The following FAM168A variants were observed in gnomAD, a reference collection of about 807,000 sequenced individuals.
FAM168A encodes protein FAM168A.
Under a neutral mutation model 28.5 loss-of-function variants are expected in FAM168A, and 3 were observed. The ratio of observed to expected loss-of-function variants is 0.11; its 90% CI spans 0.05 to 0.27. FAM168A has a LOEUF of 0.27. Ranked by LOEUF, FAM168A falls within the 10% of genes least tolerant of loss-of-function variation. The pLI is 1.00. For missense variants in FAM168A, 222 were observed against 311.5 expected, an observed-to-expected ratio of 0.71 and a Z score of 2.16; for synonymous variants, 122 against 124.2, an observed-to-expected ratio of 0.98 and a Z score of 0.12.
chr11:73,538,343 A>T (rs1282119262), intron 1 of FAM168A, among the ~76,000 whole-genome samples: 1 of 148,654 alleles, frequency 6.7e-6, no homozygotes, highest in South Asian at 2.1e-4. Flanking sequence ...ACAAAAAACA[A>T]AAAAAAAAAA....
chr11:73,571,016 AT>A (rs1306708334), intron 1 of FAM168A, among the ~76,000 whole-genome samples: 4 of 152,178 alleles, frequency 2.6e-5, no homozygotes, highest in African/African-American at 7.2e-5. Context: ...AACAACAACT[AT>A]TCTACTGTAA....
At chr11:73,522,947 A>G (rs1943403138) in intron 1 of FAM168A, among the ~76,000 whole-genome samples, 2 of 152,030 alleles carry the variant, frequency 1.3e-5, no homozygotes, top group Admixed American at 1.3e-4. Flanking sequence ...CAGGAGGTGG[A>G]GGTTGCAGTG....
At chr11:73,548,643 A>AT (rs1311010153) in intron 1 of FAM168A, among the ~76,000 whole-genome samples, 1 of 151,892 alleles carries the variant, frequency 6.6e-6, no homozygotes, top group Non-Finnish European at 1.5e-5. Context: ...TTTTAATTTG[A>AT]TTTTTTTGTG....
At chr11:73,580,280 T>C (rs1308208352) in intron 1 of FAM168A, 2 of 562,206 alleles carry the variant, frequency 3.6e-6, no homozygotes, top group African/African-American at 3.8e-5. Context: ...AAGGGGATGC[T>C]AAAGGAGATA....
intron 2 of FAM168A, among the ~76,000 whole-genome samples, chr11:73,431,239 G>A (rs1866987027): frequency 6.6e-6 from 1 of 152,088 alleles, no homozygotes; most frequent in Non-Finnish European, 1.5e-5. Context: ...CTGCTATGGG[G>A]ACTGAGGCAG....
At position 73,418,440 on chromosome 11, in the gene FAM168A, T is replaced by C. The variant is rs772347596; in HGVS notation, c.277+1434A>G. On this transcript the variant is annotated intron_variant, in intron 4 of 7. Coordinates refer to ENST00000356467, the MANE Select transcript of FAM168A (RefSeq NM_015159.3). ...GCTTCCTGAGGCCCTCACCAGAAGCTAAGCAGGGGTTGGTACCATGCTTGT... is the reference window on the plus strand; with the variant it reads ...GCTTCCTGAGGCCCTCACCAGAAGCCAAGCAGGGGTTGGTACCATGCTTGT... Among the ~76,000 whole-genome samples the C allele has an allele frequency of 8.5e-4, 130 of 152,224 alleles. 3 individuals are homozygous for C. The highest frequency in any genetic ancestry group is 2.4e-4 in the Non-Finnish European group (16 of 68,038).
At chr11:73,586,344 G>A (rs1447075144) in intron 1 of FAM168A, among the ~76,000 whole-genome samples, 1 of 152,128 alleles carries the variant, frequency 6.6e-6, no homozygotes, top group Non-Finnish European at 1.5e-5. Flanking sequence ...CATGCAGGAG[G>A]CTGAGGCAGG....
intron 2 of FAM168A, among the ~76,000 whole-genome samples, chr11:73,463,317 A>G (rs1355771662): frequency 6.6e-6 from 1 of 152,212 alleles, no homozygotes; most frequent in East Asian, 1.9e-4. Flanking sequence ...GCAGGACTTA[A>G]TAACTGGCTT....
At chr11:73,408,140 G>T (rs1411463942) in intron 6 of FAM168A, among the ~76,000 whole-genome samples, 1 of 152,138 alleles carries the variant, frequency 6.6e-6, no homozygotes, top group African/African-American at 2.4e-5. Flanking sequence ...CAAAATGCTG[G>T]GATTACAGGC....
At chr11:73,489,805 C>T (rs1215437082) in intron 1 of FAM168A, among the ~76,000 whole-genome samples, 1 of 152,188 alleles carries the variant, frequency 6.6e-6, no homozygotes, top group Non-Finnish European at 1.5e-5. Context: ...CCATGGTATC[C>T]GGCATCTCCC....
chr11:73,497,948 A>G (rs1854925768), intron 1 of FAM168A, among the ~76,000 whole-genome samples: 1 of 152,194 alleles, frequency 6.6e-6, no homozygotes, highest in African/African-American at 2.4e-5. Flanking sequence ...TTTTTCTCAC[A>G]TATTATTGAT....
chr11:73,419,000 C>T (rs1297542601), intron 4 of FAM168A, among the ~76,000 whole-genome samples: 2 of 151,954 alleles, frequency 1.3e-5, no homozygotes, highest in African/African-American at 4.8e-5. Context: ...TTAGTGGAGA[C>T]AGGGTTTCAC....
intron 1 of FAM168A, among the ~76,000 whole-genome samples, chr11:73,593,722 C>T (rs1197873440): frequency 1.3e-5 from 2 of 152,150 alleles, no homozygotes; most frequent in Non-Finnish European, 2.9e-5. Flanking sequence ...TTAATGTGTA[C>T]TATAAAACAT....
intron 1 of FAM168A, among the ~76,000 whole-genome samples, chr11:73,521,957 TAAG>T (rs1198955077): frequency 6.6e-6 from 1 of 152,060 alleles, no homozygotes; most frequent in Non-Finnish European, 1.5e-5. Context: ...ACAAAGGTGT[TAAG>T]GAGGGAATTC....
intron 3 of FAM168A, among the ~76,000 whole-genome samples, chr11:73,421,178 T>C (rs1277829153): frequency 6.6e-6 from 1 of 152,052 alleles, no homozygotes; most frequent in East Asian, 1.9e-4. Flanking sequence ...CAGGGTGTTA[T>C]GAGAATAAAG....
At chr11:73,407,097 T>G (rs1269233086) in intron 7 of FAM168A, among the ~76,000 whole-genome samples, 2 of 152,186 alleles carry the variant, frequency 1.3e-5, no homozygotes, top group Non-Finnish European at 2.9e-5. Context: ...ATGGGGCCCA[T>G]AGTTAAAAGA....
At chr11:73,540,616 T>G (rs1943641504) in intron 1 of FAM168A, among the ~76,000 whole-genome samples, 1 of 152,220 alleles carries the variant, frequency 6.6e-6, no homozygotes, top group Admixed American at 6.5e-5. Context: ...CTCCCTTCTA[T>G]TATATCTTCT....
At chr11:73,551,190 AG>A (rs1001259953) in intron 1 of FAM168A, among the ~76,000 whole-genome samples, 2 of 152,116 alleles carry the variant, frequency 1.3e-5, no homozygotes, top group Admixed American at 6.6e-5. Flanking sequence ...AGCTAAGTTA[AG>A]GGGTTTGAAT....
intron 1 of FAM168A, among the ~76,000 whole-genome samples, chr11:73,518,493 T>C (rs891401591): frequency 5.9e-5 from 9 of 151,596 alleles, no homozygotes; most frequent in Non-Finnish European, 8.8e-5. Flanking sequence ...GTGGGAGGTA[T>C]GTAGGTCATG....
Sources: gnomAD v4.1 joint callset for allele counts (sites outside exome capture counted in the v4.1 genomes callset) on GRCh38, gnomAD v4.1.1 for gene constraint, MANE v1.5 for transcripts, NCBI Gene and HGNC (gene_info 2026-07-23, HGNC 2026-07-21) for gene names.